The following CFAP54 variants were observed in gnomAD, a reference collection of about 807,000 sequenced individuals.
CFAP54 encodes the protein cilia- and flagella-associated protein 54.
In CFAP54, 290 loss-of-function variants were observed where a neutral mutation model predicts 370.4. That is an observed-to-expected ratio of 0.78 (90% CI 0.71 to 0.86). CFAP54 has a LOEUF of 0.86. CFAP54 is among the 40% of genes least tolerant of loss of function. The pLI, the probability that CFAP54 is intolerant of heterozygous loss-of-function variation, is 0.00. For synonymous variants in CFAP54, 1,206 were observed against 1,236.5 expected (o/e 0.98, Z 0.52); for missense variants, 3,399 against 3,528.7 (o/e 0.96, Z 0.93).
In CFAP54 at chr12:96,716,736, C is replaced by T. The variant is rs370234227; in HGVS notation, c.6725-1707C>T. 6.7e-3 allele frequency among the ~76,000 whole-genome samples: 1,015 copies of T among 152,292 alleles called. 9 individuals are homozygous for T. Among genetic ancestry groups the T allele is most frequent in the Non-Finnish European group, 0.011 (731 of 68,030 alleles). ...CCTTGCCTAGAAAGCCATAGGGTGG[C>T]ACATGAGCCCTTAAATGGAACTCTG... On this transcript the variant is annotated intron_variant, in intron 48 of 67. Transcript: ENST00000524981.
At chr12:96,855,838 C>T (rs893186013) in intron 66 of CFAP54, among the ~76,000 whole-genome samples, 1 of 152,230 alleles carries the variant, frequency 6.6e-6, no homozygotes, top group Admixed American at 6.5e-5. Flanking sequence ...CACAGTTCCA[C>T]TAGGCAGTGC....
intron 22 of CFAP54, among the ~76,000 whole-genome samples, chr12:96,581,883 T>A (rs568473713): frequency 1.3e-5 from 2 of 152,198 alleles, no homozygotes; most frequent in Non-Finnish European, 2.9e-5. Context: ...AGTTTGTTAG[T>A]AATTCTCCAT....
intron 26 of CFAP54, among the ~76,000 whole-genome samples, chr12:96,616,595 A>G (rs918075427): frequency 8.5e-5 from 13 of 152,232 alleles, no homozygotes; most frequent in Admixed American, 5.9e-4. Flanking sequence ...GGAGAGCTCA[A>G]AGGCAAATAT....
At chr12:96,521,539 TGTGTGTGTGC>T (rs373894682) in intron 6 of CFAP54, among the ~76,000 whole-genome samples, 17,074 of 124,308 alleles carry the variant, frequency 0.14, 1,036 homozygotes, top group Middle Eastern at 0.18. Context: ...TGTGTGTGTG[TGTGTGTGTGC>T]GCGTGCGCAC....
At chr12:96,605,993 A>G (rs1956295705) in intron 26 of CFAP54, among the ~76,000 whole-genome samples, 1 of 152,216 alleles carries the variant, frequency 6.6e-6, no homozygotes, top group Admixed American at 6.5e-5. Context: ...ACCTACCTGT[A>G]GGCATCCTTT....
intron 66 of CFAP54, among the ~76,000 whole-genome samples, chr12:96,857,200 A>G (rs1959728646): frequency 6.6e-6 from 1 of 152,184 alleles, no homozygotes; most frequent in Non-Finnish European, 1.5e-5. Context: ...TATGGGAACT[A>G]CAGTTCAAGA....
intron 50 of CFAP54, among the ~76,000 whole-genome samples, chr12:96,726,185 C>A (rs1173759962): frequency 6.6e-6 from 1 of 151,150 alleles, no homozygotes; most frequent in Non-Finnish European, 1.5e-5. Context: ...ATGATGCTGG[C>A]CTCATAAAAT....
intron 50 of CFAP54, among the ~76,000 whole-genome samples, chr12:96,737,577 C>T (rs1206136836): frequency 6.6e-6 from 1 of 151,138 alleles, no homozygotes; most frequent in Non-Finnish European, 1.5e-5. Flanking sequence ...GCAACCTCTG[C>T]CTCCCGGGTT....
chr12:96,756,631 G>T, intron 57 of CFAP54, 68 bp downstream of exon 57: 2 of 1,024,300 alleles, frequency 2.0e-6, no homozygotes, highest in South Asian at 1.4e-5. Flanking sequence ...GTAGTACATT[G>T]ACCACTCAAG....
chr12:96,777,919 T>C (rs1958536694), intron 60 of CFAP54, among the ~76,000 whole-genome samples: 1 of 152,240 alleles, frequency 6.6e-6, no homozygotes, highest in Admixed American at 6.5e-5. Context: ...TTGGTGCTGA[T>C]ACTGTTAGAC....
intron 66 of CFAP54, among the ~76,000 whole-genome samples, chr12:96,842,104 A>G (rs1959223747): frequency 6.6e-6 from 1 of 152,204 alleles, no homozygotes; most frequent in African/African-American, 2.4e-5. Flanking sequence ...TAGCCTATCT[A>G]AATGTTTGTA....
chr12:96,740,513 A>T (rs530904314), intron 51 of CFAP54, among the ~76,000 whole-genome samples: 1 of 152,222 alleles, frequency 6.6e-6, no homozygotes, highest in Non-Finnish European at 1.5e-5. Context: ...CTGACAACTA[A>T]TGTCACATAT....
Position 96,718,445 on chromosome 12 carries a change from A to C in CFAP54, c.6727A>C (p.Ile2243Leu). The change falls in exon 49 of 68, where the codon ATA (isoleucine) becomes CTA (leucine). Residue 2243 changes from isoleucine to leucine, a missense_variant and splice_region_variant. Coordinates refer to ENST00000524981, the MANE Select transcript of CFAP54 (RefSeq NM_001306084.2). ...TCCAAAATTTTGTGTCTTTATAGAG[A>C]TATATTCAAAGGATGATGGAAGTTC... Reference protein sequence around the residue: ...SKPNLPNLEEIYSKDDGSSFY... With the variant: ...SKPNLPNLEELYSKDDGSSFY... 1 of 1,472,972 alleles carries C rather than the reference A, an allele frequency of 6.8e-7. No homozygotes were observed. The highest frequency in any genetic ancestry group is 9.5e-7 in the Non-Finnish European group (1 of 1,053,050). The allele number at this position is 1,472,972 out of a possible 1,614,324, so 91.2% of individuals were successfully genotyped here. A position where few individuals can be genotyped will look rare whatever the true frequency, so the allele number is the denominator to read the frequency against.
At position 96,756,612 on chromosome 12, in the gene CFAP54, C is replaced by T. The variant is rs1190882521; in HGVS notation, c.7946+49C>T. On this transcript the variant is annotated intron_variant, in intron 57 of 67. Transcript: ENST00000524981. ...AGCTGTGTGTGTTTGGCTTGAGCCC[C>T]GTGTTCTTGTAGTACATTGACCACT... 6.1e-6 allele frequency: 8 copies of T among 1,302,926 alleles called. No homozygotes were observed. The East Asian group carries it at 7.0e-5, about 11-fold the overall frequency. The allele number at this position is 1,302,926 out of a possible 1,614,324, so 80.7% of individuals were successfully genotyped here.
At chr12:96,579,797 G>C (rs1263167853) in intron 20 of CFAP54, among the ~76,000 whole-genome samples, 1 of 152,000 alleles carries the variant, frequency 6.6e-6, no homozygotes, top group Non-Finnish European at 1.5e-5. Context: ...AAGGATCATT[G>C]TCTAACTATT....
chr12:96,789,262 C>A (rs1247425218), intron 62 of CFAP54, among the ~76,000 whole-genome samples: 1 of 152,150 alleles, frequency 6.6e-6, no homozygotes, highest in Admixed American at 6.6e-5. Flanking sequence ...TTCCCAGATT[C>A]AGCAATCGAG....
At chr12:96,586,251 T>C (rs1956075338) in intron 22 of CFAP54, among the ~76,000 whole-genome samples, 1 of 152,152 alleles carries the variant, frequency 6.6e-6, no homozygotes, top group Admixed American at 6.6e-5. Flanking sequence ...TTCTAACAAG[T>C]TCCTGGGTGA....
chr12:96,530,880 T>A (rs1450797292), intron 9 of CFAP54, among the ~76,000 whole-genome samples: 1 of 152,244 alleles, frequency 6.6e-6, no homozygotes, highest in Non-Finnish European at 1.5e-5. Flanking sequence ...CTGATAGGTG[T>A]GTAGTAATAT....
chr12:96,852,819 T>A (rs1309992825), intron 66 of CFAP54, among the ~76,000 whole-genome samples: 2 of 152,084 alleles, frequency 1.3e-5, no homozygotes, highest in Non-Finnish European at 2.9e-5. Context: ...TCAATATAAA[T>A]TGGACCAAAG....
Sources: gnomAD v4.1 joint callset for allele counts (sites outside exome capture counted in the v4.1 genomes callset) on GRCh38, gnomAD v4.1.1 for gene constraint, MANE v1.5 for transcripts, NCBI Gene and HGNC (gene_info 2026-07-23, HGNC 2026-07-21) for gene names.